Variants in DLG2 observed in about 807,000 individuals in gnomAD.
DLG2 encodes the protein discs large MAGUK scaffold protein 2.
A neutral mutation model predicts 132.5 loss-of-function variants in DLG2; 45 were observed. The ratio of observed to expected loss-of-function variants is 0.34; its 90% confidence interval spans 0.27 to 0.44. The LOEUF (loss-of-function observed/expected upper bound fraction) is 0.44. Among genes scored for constraint, DLG2 ranks in the 20% least tolerant of loss-of-function variants. The pLI is 1.00. For synonymous variants in DLG2, 424 were observed against 419.6 expected, an observed-to-expected ratio of 1.01 and a Z score of -0.13; for missense variants, 1,045 against 1,196.9, an observed-to-expected ratio of 0.87 and a Z score of 1.87.
rs1204471198 is a variant in DLG2 at position 83,813,559 on chromosome 11, A to G, written c.1722+20055T>C. ...TGAACAGACACATTAAGTCCTCAGT[A>G]ACATCAGAAAATGGAGACTGAGTAA... is the stretch of plus-strand genomic sequence containing the variant. On this transcript the variant is annotated intron_variant, in intron 17 of 27. Coordinates refer to ENST00000376104, the MANE Select transcript of DLG2 (RefSeq NM_001142699.3). Among the ~76,000 whole-genome samples the G allele has an allele frequency of 1.3e-5, 2 of 152,170 alleles. 1 individual carries two copies. The highest frequency in any genetic ancestry group is 4.8e-5 in the African/African-American group (2 of 41,458).
chr11:84,101,253 T>C (rs1317023359), intron 9 of DLG2, among the ~76,000 whole-genome samples: 8 of 151,982 alleles, frequency 5.3e-5, no homozygotes, highest in Non-Finnish European at 1.2e-4. Flanking sequence ...AGGGAAGAAC[T>C]TGTGTAAAAG....
rs1335505924 is a variant in DLG2, at chr11:85,134,420, T to C, written c.282+20136A>G. Among the ~76,000 whole-genome samples, 48 of 147,034 alleles carry C rather than the reference T, an allele frequency of 3.3e-4. 1 individual carries two copies. Among genetic ancestry groups the C allele is most frequent in the Non-Finnish European group, 3.9e-4 (26 of 66,390 alleles). On this transcript the variant is annotated intron_variant, in intron 5 of 27. Transcript: ENST00000376104. ...GGCGGGCGCCTGTAGTCCCAGCTAC[T>C]TGGGAGGCTGAGGCAGGAGAATGGC... is the stretch of plus-strand genomic sequence containing the variant.
chr11:84,390,677 G>A (rs1428057517), intron 7 of DLG2, among the ~76,000 whole-genome samples: 1 of 152,164 alleles, frequency 6.6e-6, no homozygotes, highest in Non-Finnish European at 1.5e-5. Flanking sequence ...GGTCTTAGAG[G>A]CTGTGAGAAA....
intron 3 of DLG2, among the ~76,000 whole-genome samples, chr11:85,400,182 T>C (rs1402276364): frequency 2.0e-5 from 3 of 151,884 alleles, no homozygotes; most frequent in African/African-American, 4.8e-5. Context: ...CATGAAAAAA[T>C]GCTCACCATC....
At chr11:83,989,093 T>G (rs1205728254) in intron 11 of DLG2, among the ~76,000 whole-genome samples, 1 of 152,154 alleles carries the variant, frequency 6.6e-6, no homozygotes, top group Non-Finnish European at 1.5e-5. Flanking sequence ...CCCATGTCTC[T>G]GAGAAAGTCC....
chr11:84,916,076 T>C (rs1290574241), intron 6 of DLG2, among the ~76,000 whole-genome samples: 1 of 151,982 alleles, frequency 6.6e-6, no homozygotes, highest in African/African-American at 2.4e-5. Context: ...CCGGGCGCGG[T>C]GGCTCACGCC....
At chr11:84,100,620 T>A (rs1224351531) in intron 9 of DLG2, among the ~76,000 whole-genome samples, 1 of 152,050 alleles carries the variant, frequency 6.6e-6, no homozygotes, top group Non-Finnish European at 1.5e-5. Context: ...TGTCACTGGA[T>A]ATTAAATTTC....
chr11:84,612,769 G>A (rs2099597612), intron 6 of DLG2, among the ~76,000 whole-genome samples: 1 of 151,726 alleles, frequency 6.6e-6, no homozygotes, highest in African/African-American at 2.4e-5. Context: ...ATTCCTTTTT[G>A]TCTTTACAGC....
chr11:85,482,106 C>T (rs973246284), intron 3 of DLG2, among the ~76,000 whole-genome samples: 1 of 152,110 alleles, frequency 6.6e-6, no homozygotes, highest in Non-Finnish European at 1.5e-5. Flanking sequence ...TGGCCCCAGG[C>T]TGCAGACCAC....
At chr11:84,438,676 T>C (rs2099008444) in intron 7 of DLG2, among the ~76,000 whole-genome samples, 1 of 152,152 alleles carries the variant, frequency 6.6e-6, no homozygotes, top group Admixed American at 6.5e-5. Context: ...ACCTTTAAGA[T>C]AAGGTCAATG....
At chr11:84,107,816 A>G (rs2093072546) in intron 9 of DLG2, among the ~76,000 whole-genome samples, 1 of 152,172 alleles carries the variant, frequency 6.6e-6, no homozygotes, top group Non-Finnish European at 1.5e-5. Flanking sequence ...TCAGAGGGAA[A>G]GGTCTAGAAT....
chr11:84,443,823 T>A (rs1044894386), intron 7 of DLG2, among the ~76,000 whole-genome samples: 2 of 152,180 alleles, frequency 1.3e-5, no homozygotes, highest in East Asian at 3.9e-4. Flanking sequence ...GTTTCCAATC[T>A]CTGACTTGTC....
intron 3 of DLG2, among the ~76,000 whole-genome samples, chr11:85,431,381 T>A (rs937831654): frequency 6.6e-6 from 1 of 152,132 alleles, no homozygotes; most frequent in South Asian, 2.1e-4. Context: ...TAGGCAACCA[T>A]GCTTTTTCCA....
chr11:83,672,231 G>C (rs1175040956), intron 18 of DLG2, among the ~76,000 whole-genome samples: 1 of 151,262 alleles, frequency 6.6e-6, no homozygotes, highest in African/African-American at 2.4e-5. Context: ...TTGTTGCCCA[G>C]GCTACTGCAA....
At chr11:84,184,116 G>A (rs916584518) in intron 8 of DLG2, among the ~76,000 whole-genome samples, 4 of 152,126 alleles carry the variant, frequency 2.6e-5, no homozygotes, top group Non-Finnish European at 5.9e-5. Flanking sequence ...GGGTCAAATG[G>A]TATTTTTAGT....
At chr11:85,041,406 A>C (rs1397573221) in intron 6 of DLG2, among the ~76,000 whole-genome samples, 1 of 151,972 alleles carries the variant, frequency 6.6e-6, no homozygotes, top group Non-Finnish European at 1.5e-5. Context: ...TATATCAAGC[A>C]TGGTACTTTG....
intron 19 of DLG2, among the ~76,000 whole-genome samples, chr11:83,610,923 G>T (rs1265885136): frequency 1.3e-5 from 2 of 152,096 alleles, no homozygotes; most frequent in African/African-American, 2.4e-5. Context: ...TTTTATCAAA[G>T]AACCTAATCT....
chr11:85,597,491 T>G (rs2079851110), intron 3 of DLG2, among the ~76,000 whole-genome samples: 2 of 152,006 alleles, frequency 1.3e-5, no homozygotes, highest in African/African-American at 2.4e-5. Context: ...CCAGCTAAGA[T>G]GATTACAGTT....
At chr11:84,898,862 G>A (rs970593056) in intron 6 of DLG2, among the ~76,000 whole-genome samples, 5 of 151,982 alleles carry the variant, frequency 3.3e-5, no homozygotes, top group African/African-American at 7.2e-5. Context: ...AGTCATTTGT[G>A]TAGTAAGCTC....
Sources: allele counts gnomAD v4.1 joint callset (sites outside exome capture counted in the v4.1 genomes callset), GRCh38; gene constraint gnomAD v4.1.1; transcripts MANE v1.5; gene names NCBI Gene and HGNC (gene_info 2026-07-23, HGNC 2026-07-21).